The following XRCC4 variants were observed in gnomAD, a reference collection of about 807,000 sequenced individuals.
XRCC4 encodes the protein X-ray repair cross complementing 4, also known as DNA repair protein XRCC4.
In XRCC4, 28 loss-of-function variants were observed where a neutral mutation model predicts 39.1. That is an observed-to-expected ratio of 0.72 (90% CI 0.53 to 0.98). The LOEUF (loss-of-function observed/expected upper bound fraction) is 0.98, where lower values mean the gene tolerates loss of function less well. Among genes scored for constraint, XRCC4 ranks in the 50% least tolerant of loss-of-function variants. XRCC4 has a pLI of 0.00. For missense variants in XRCC4, 350 were observed against 376.4 expected (o/e 0.93, Z 0.58); for synonymous variants, 123 against 126.4 (o/e 0.97, Z 0.18).
chr5:83,275,486 G>A (rs1217777249), intron 7 of XRCC4, among the ~76,000 whole-genome samples: 1 of 151,666 alleles, frequency 6.6e-6, no homozygotes, highest in African/African-American at 2.4e-5. Flanking sequence ...TAGTAGAGAC[G>A]GGGTTTCACC....
Position 83,225,780 on chromosome 5 carries a change from T to C in XRCC4, c.745+20859T>C, listed in dbSNP as rs78516451. 2.8e-3 allele frequency among the ~76,000 whole-genome samples: 431 copies of C among 151,952 alleles called. 12 individuals are homozygous for C. In the East Asian group the frequency reaches 0.072, roughly 25 times the overall value. On this transcript the variant is annotated intron_variant, in intron 6 of 7. Transcript: ENST00000396027. Reference sequence around the variant, plus strand: ...GGCTATCAATTAGCCACTGGAGATGTGTGCCTAAGCCTCTGCTACGAGATA... The same window carrying C: ...GGCTATCAATTAGCCACTGGAGATGCGTGCCTAAGCCTCTGCTACGAGATA...
chr5:83,151,931 C>T (rs1748723055), intron 3 of XRCC4, among the ~76,000 whole-genome samples: 1 of 152,164 alleles, frequency 6.6e-6, no homozygotes, highest in African/African-American at 2.4e-5. Context: ...GCATTGCCTC[C>T]CCTACTAAAA....
intron 3 of XRCC4, among the ~76,000 whole-genome samples, chr5:83,178,186 T>G (rs1750046065): frequency 6.6e-6 from 1 of 152,110 alleles, no homozygotes; most frequent in African/African-American, 2.4e-5. Context: ...CAGGTTTTTT[T>G]GGGAAATGGA....
intron 3 of XRCC4, among the ~76,000 whole-genome samples, chr5:83,132,820 A>G (rs10043905): frequency 0.49 from 73,674 of 151,874 alleles, 18,854 homozygotes; most frequent in African/African-American, 0.63. Context: ...TTTTCAATGG[A>G]TTCAAACATC....
chr5:83,203,450 T>C, intron 4 of XRCC4, 102 bp from the exon 5 acceptor site: 1 of 1,034,426 alleles, frequency 9.7e-7, no homozygotes, highest in Non-Finnish European at 1.3e-6. Flanking sequence ...GAAAATAATC[T>C]TTAATTGTAT....
intron 3 of XRCC4, among the ~76,000 whole-genome samples, chr5:83,152,323 T>C (rs1748741491): frequency 1.3e-5 from 2 of 152,198 alleles, no homozygotes; most frequent in African/African-American, 2.4e-5. Flanking sequence ...TTTAATGATA[T>C]ATGTAGGTAT....
At chr5:83,234,910 A>G (rs1262770183) in intron 6 of XRCC4, among the ~76,000 whole-genome samples, 5 of 151,630 alleles carry the variant, frequency 3.3e-5, no homozygotes, top group Admixed American at 3.3e-4. Flanking sequence ...ATATTTGTAT[A>G]TGATGTAGAA....
At chr5:83,167,374 G>A (rs1407500131) in intron 3 of XRCC4, among the ~76,000 whole-genome samples, 1 of 152,112 alleles carries the variant, frequency 6.6e-6, no homozygotes, top group Non-Finnish European at 1.5e-5. Flanking sequence ...TCAGATTTGT[G>A]TTGCATGAGA....
rs1184997686 is a variant in XRCC4, at chr5:83,159,897, ATTATCACC to A, written c.316-35871_316-35864del. ...CTTTTACCACTGTAAAATTTGTCCC[ATTATCACC>A]TATATTGCACTGTGAATATTTTTAG... On this transcript the variant is annotated intron_variant, in intron 3 of 7. Coordinates refer to ENST00000396027, the MANE Select transcript of XRCC4 (RefSeq NM_003401.5). Among the ~76,000 whole-genome samples the A allele has an allele frequency of 2.0e-5, 3 of 152,120 alleles. No homozygotes were observed. In the East Asian group the frequency reaches 5.8e-4, roughly 29 times the overall value.
In XRCC4 at chr5:83,166,235, A is replaced by G. The variant is rs1358672329; in HGVS notation, c.316-29535A>G. Reference sequence around the variant, plus strand: ...ATTGATGGGCATTTATGTTGATTCCATGTCTTTGCTATTGTTTCAGTTGTG... The same window carrying G: ...ATTGATGGGCATTTATGTTGATTCCGTGTCTTTGCTATTGTTTCAGTTGTG... On this transcript the variant is annotated intron_variant, in intron 3 of 7. Transcript: ENST00000396027. Among the ~76,000 whole-genome samples the G allele has an allele frequency of 3.3e-5, 5 of 152,152 alleles. No individual in the cohort carries two copies. In the East Asian group the frequency reaches 9.7e-4, roughly 29 times the overall value.
chr5:83,303,676 T>TA (rs955472566), intron 7 of XRCC4, among the ~76,000 whole-genome samples: 1 of 152,068 alleles, frequency 6.6e-6, no homozygotes, highest in African/African-American at 2.4e-5. Flanking sequence ...TATAATGTAG[T>TA]AAAAAATACA....
At chr5:83,163,648 G>A (rs2112593106) in intron 3 of XRCC4, among the ~76,000 whole-genome samples, 1 of 152,266 alleles carries the variant, frequency 6.6e-6, no homozygotes, top group East Asian at 1.9e-4. Context: ...CTATGACAGG[G>A]AATTGTCTGG....
At chr5:83,285,128 A>G (rs553530273) in intron 7 of XRCC4, among the ~76,000 whole-genome samples, 12 of 152,326 alleles carry the variant, frequency 7.9e-5, no homozygotes, top group African/African-American at 2.9e-4. Context: ...CATATACCCT[A>G]GAATTGTTTA....
chr5:83,082,677 C>G (rs944823978), intron 1 of XRCC4, among the ~76,000 whole-genome samples: 3 of 152,038 alleles, frequency 2.0e-5, no homozygotes, highest in Non-Finnish European at 1.5e-5. Flanking sequence ...CCTATGATGG[C>G]TTTGAATGCG....
At chr5:83,218,535 T>G (rs2112780475) in intron 6 of XRCC4, among the ~76,000 whole-genome samples, 2 of 152,170 alleles carry the variant, frequency 1.3e-5, no homozygotes, top group Non-Finnish European at 2.9e-5. Flanking sequence ...TTTTAAAATG[T>G]AGCATAAAAT....
chr5:83,226,449 A>G lies in XRCC4; in HGVS notation c.745+21528A>G, dbSNP rs977113612. The stretch of plus-strand genomic sequence containing the variant: ...GCCCAAGGGGTTTGAAGTTCCTGGA[A>G]GTGCTTGTGTGCCCAAATAAAACTA... On this transcript the variant is annotated intron_variant, in intron 6 of 7. Transcript: ENST00000396027. Among the ~76,000 whole-genome samples, 2 of 152,162 alleles carry G rather than the reference A, an allele frequency of 1.3e-5. 1 individual carries two copies.
At chr5:83,206,333 G>A (rs1478758999) in intron 6 of XRCC4, among the ~76,000 whole-genome samples, 1 of 152,142 alleles carries the variant, frequency 6.6e-6, no homozygotes. Context: ...CAGATTCTAG[G>A]TGTGCTTAGA....
chr5:83,114,040 G>A (rs1746585209), intron 3 of XRCC4, among the ~76,000 whole-genome samples: 1 of 152,218 alleles, frequency 6.6e-6, no homozygotes, highest in African/African-American at 2.4e-5. Context: ...CTTGGGACTT[G>A]TACCCTCTGA....
At chr5:83,309,152 G>A (rs961628354) in intron 7 of XRCC4, among the ~76,000 whole-genome samples, 1 of 149,234 alleles carries the variant, frequency 6.7e-6, no homozygotes, top group African/African-American at 2.5e-5. Context: ...GGTGGTGGGT[G>A]CCTCTAGCCC....
Sources: gnomAD v4.1 joint callset for allele counts (sites outside exome capture counted in the v4.1 genomes callset) on GRCh38, gnomAD v4.1.1 for gene constraint, MANE v1.5 for transcripts, NCBI Gene and HGNC (gene_info 2026-07-23, HGNC 2026-07-21) for gene names.